Variants in CDC42BPA observed in about 807,000 individuals in gnomAD.
The protein encoded by CDC42BPA is serine/threonine-protein kinase MRCK alpha.
In CDC42BPA, 80 loss-of-function variants were observed where a neutral mutation model predicts 223.5. The observed-to-expected ratio is 0.36, with a 90% CI of 0.30 to 0.43. CDC42BPA has a LOEUF of 0.43. Ranked by LOEUF, CDC42BPA falls within the 20% of genes least tolerant of loss-of-function variation. The probability of loss-of-function intolerance (pLI) is 1.00; values close to 1 mark genes in which losing one functional copy is unlikely to be tolerated. For synonymous variants in CDC42BPA, 694 were observed against 718.6 expected, an observed-to-expected ratio of 0.97 and a Z score of 0.55; for missense variants, 1,743 against 2,099.9, an observed-to-expected ratio of 0.83 and a Z score of 3.32.
chr1:227,067,486 G>A (rs1001024082), intron 21 of CDC42BPA, among the ~76,000 whole-genome samples: 1 of 151,994 alleles, frequency 6.6e-6, no homozygotes, highest in Non-Finnish European at 1.5e-5. Context: ...TCTTTTTTAA[G>A]GTGAATAATA....
intron 5 of CDC42BPA, among the ~76,000 whole-genome samples, chr1:227,165,464 C>CA (rs146511760): frequency 0.21 from 31,357 of 151,498 alleles, 3,335 homozygotes; most frequent in Middle Eastern, 0.26. Context: ...AGAGTACTGA[C>CA]AAACAACTGA....
At chr1:227,177,437 C>T (rs1166952440) in intron 5 of CDC42BPA, among the ~76,000 whole-genome samples, 4 of 152,112 alleles carry the variant, frequency 2.6e-5, no homozygotes, top group Non-Finnish European at 5.9e-5. Flanking sequence ...TTTTAGCCCC[C>T]GTGGTCTTGA....
At chr1:227,291,075 T>C (rs1186417499) in intron 1 of CDC42BPA, among the ~76,000 whole-genome samples, 2 of 152,060 alleles carry the variant, frequency 1.3e-5, no homozygotes, top group Admixed American at 6.5e-5. Flanking sequence ...CAATACCAAT[T>C]ATATTGGTTC....
At chr1:227,086,630 G>C (rs760290788) in intron 16 of CDC42BPA, among the ~76,000 whole-genome samples, 1 of 150,740 alleles carries the variant, frequency 6.6e-6, no homozygotes, top group South Asian at 2.1e-4. Flanking sequence ...ATGTCTATTC[G>C]GCTTTGTTAC....
intron 6 of CDC42BPA, among the ~76,000 whole-genome samples, chr1:227,157,624 T>C (rs1663052609): frequency 6.6e-6 from 1 of 152,176 alleles, no homozygotes; most frequent in Non-Finnish European, 1.5e-5. Flanking sequence ...TTTCATCACA[T>C]TTGGGAAGGT....
intron 1 of CDC42BPA, among the ~76,000 whole-genome samples, chr1:227,308,231 C>G (rs573071296): frequency 6.6e-6 from 1 of 152,094 alleles, no homozygotes; most frequent in Admixed American, 6.5e-5. Flanking sequence ...GGAGGACGGG[C>G]ATGGTGGCTC....
intron 4 of CDC42BPA, 114 bp downstream of exon 4, chr1:227,199,443 T>C (rs1671344038): frequency 3.0e-6 from 2 of 657,580 alleles, no homozygotes; most frequent in Admixed American, 3.1e-5. Context: ...TTACCCTGTA[T>C]GAAATGCACT....
chr1:227,044,822 G>A (rs1672094146), intron 23 of CDC42BPA, among the ~76,000 whole-genome samples: 1 of 152,014 alleles, frequency 6.6e-6, no homozygotes, highest in East Asian at 1.9e-4. Context: ...AGTACACTAT[G>A]GTTATCATCT....
intron 15 of CDC42BPA, among the ~76,000 whole-genome samples, chr1:227,098,130 C>T (rs945026989): frequency 3.3e-5 from 5 of 152,154 alleles, no homozygotes; most frequent in African/African-American, 4.8e-5. Context: ...CATATGGATT[C>T]GGCGCTGCTA....
At chr1:227,310,081 A>C (rs1035105420) in intron 1 of CDC42BPA, among the ~76,000 whole-genome samples, 2 of 152,240 alleles carry the variant, frequency 1.3e-5, no homozygotes, top group Non-Finnish European at 2.9e-5. Context: ...TCAGGAAGTT[A>C]CAAGGAAAAC....
intron 16 of CDC42BPA, among the ~76,000 whole-genome samples, chr1:227,091,645 A>C (rs1683097870): frequency 6.6e-6 from 1 of 152,206 alleles, no homozygotes; most frequent in Non-Finnish European, 1.5e-5. Flanking sequence ...AGTGAAATAA[A>C]TAAGAGGCTC....
At chr1:227,080,076 G>C (rs774507350) in intron 17 of CDC42BPA, among the ~76,000 whole-genome samples, 1 of 151,986 alleles carries the variant, frequency 6.6e-6, no homozygotes, top group East Asian at 1.9e-4. Context: ...TCTACTTGTG[G>C]TGTCACGTCA....
intron 2 of CDC42BPA, among the ~76,000 whole-genome samples, chr1:227,219,697 C>G (rs1430763616): frequency 4.6e-5 from 7 of 152,008 alleles, no homozygotes; most frequent in African/African-American, 1.7e-4. Context: ...TGACAAATTC[C>G]TGGTAGAAGA....
intron 2 of CDC42BPA, among the ~76,000 whole-genome samples, chr1:227,242,141 A>C (rs1275618126): frequency 1.3e-5 from 2 of 152,028 alleles, no homozygotes; most frequent in African/African-American, 4.8e-5. Flanking sequence ...TGAAAATTAT[A>C]ATATCAATAT....
chr1:227,115,763 T>A (rs574193159), intron 12 of CDC42BPA, among the ~76,000 whole-genome samples: 2 of 152,084 alleles, frequency 1.3e-5, no homozygotes, highest in East Asian at 3.9e-4. Flanking sequence ...ATATTGAAAA[T>A]TTTAAAAGAT....
chr1:227,302,571 A>G (rs562017914), intron 1 of CDC42BPA, among the ~76,000 whole-genome samples: 1 of 152,260 alleles, frequency 6.6e-6, no homozygotes, highest in South Asian at 2.1e-4. Flanking sequence ...AGGAATTGCA[A>G]AATATATTGA....
At chr1:227,112,585 TA>T in intron 13 of CDC42BPA, 85 bp downstream of exon 13, 1 of 1,101,350 alleles carries the variant, frequency 9.1e-7, no homozygotes, top group Non-Finnish European at 1.2e-6. Flanking sequence ...AGAAATATTT[TA>T]AAAATTATAT....
At chr1:227,006,840 G>A (rs1475102126) in intron 34 of CDC42BPA, among the ~76,000 whole-genome samples, 3 of 152,094 alleles carry the variant, frequency 2.0e-5, no homozygotes, top group Non-Finnish European at 2.9e-5. Context: ...GGGAGTCTGA[G>A]GCAGGAGAAT....
At chr1:227,010,804 T>G in intron 34 of CDC42BPA, 1 of 890,228 alleles carries the variant, frequency 1.1e-6, no homozygotes, top group South Asian at 2.1e-5. Context: ...TTCAGCGGTG[T>G]TACTTATTAA....
Sources: gnomAD v4.1 joint callset for allele counts (sites outside exome capture counted in the v4.1 genomes callset) on GRCh38, gnomAD v4.1.1 for gene constraint, MANE v1.5 for transcripts, NCBI Gene and HGNC (gene_info 2026-07-23, HGNC 2026-07-21) for gene names.